Variants in ZNF772 observed in about 807,000 individuals in gnomAD.
ZNF772 encodes zinc finger protein 772.
A neutral mutation model predicts 11.0 loss-of-function variants in ZNF772; 8 were observed. The ratio of observed to expected loss-of-function variants is 0.73; its 90% confidence interval spans 0.43 to 1.31. The LOEUF is 1.31. Among genes scored for constraint, ZNF772 ranks in the 50% most tolerant of loss-of-function variants. The probability of loss-of-function intolerance (pLI) is 0.01; values close to 1 mark genes in which losing one functional copy is unlikely to be tolerated. For synonymous variants in ZNF772, 155 were observed against 180.4 expected (o/e 0.86, Z 1.13); for missense variants, 496 against 552.3 (o/e 0.90, Z 1.02).
rs567130132 is a variant in ZNF772, at chr19:57,476,043, T to C, written c.73-257A>G. ...CTTAGCATACAGGGCCTCACCCTTC[T>C]GTAAGCAAATTCCTCTGGGGTCACT... On this transcript the variant is annotated intron_variant, in intron 2 of 3. Transcript: ENST00000356584. Among the ~76,000 whole-genome samples, 8 of 152,328 alleles carry C rather than the reference T, an allele frequency of 5.3e-5. No homozygotes were observed. In the East Asian group the frequency reaches 1.5e-3, roughly 29 times the overall value.
Position 57,473,572 on chromosome 19 carries a change from T to C in ZNF772, c.1049A>G (p.Tyr350Cys). The C allele has an allele frequency of 6.2e-7, 1 of 1,613,020 alleles. No homozygotes were observed. The highest frequency in any genetic ancestry group is 8.5e-7 in the Non-Finnish European group (1 of 1,179,184). ...AACACTCCAATGTTTAATGAGTCTG[T>C]ATTTGTGACCAAAGTATTTTCCACA... is the stretch of plus-strand genomic sequence containing the variant. Reference protein sequence around the residue: ...SECGKYFGHKYRLIKHWSVHT... With the variant: ...SECGKYFGHKCRLIKHWSVHT... Residue 350 changes from tyrosine (Y) to cysteine (C), a missense_variant, in exon 4 of 4, where the codon TAC becomes TGC. Physicochemically the swap from Tyr to Cys is radical, Grantham distance 194. Coordinates refer to ENST00000356584, the MANE Select transcript of ZNF772 (RefSeq NM_001144068.2).
chr19:57,475,720 C>T lies in ZNF772; in HGVS notation c.139G>A (p.Ala47Thr). 6.2e-7 allele frequency: 1 copy of T among 1,613,850 alleles called. No individual in the cohort carries two copies. The highest frequency in any genetic ancestry group is 8.5e-7 in the Non-Finnish European group (1 of 1,179,838). ...ACATCACGGTACAGGAGCCTCTGAG[C>T]CTCATCAAGGAGCACCCACTCCTCC... ...SQEEWVLLDE[A>T]QRLLYRDVML... Residue 47 changes from alanine (A) to threonine (T), a missense_variant, in exon 3 of 4, where the codon GCT becomes ACT. Transcript: ENST00000356584. The surrounding 1 kb of genome is among the most constrained non-coding windows in gnomAD (Gnocchi z 4.2).
In ZNF772 at chr19:57,477,342, G is replaced by C. The variant is rs777694359; in HGVS notation, c.-33C>G. Reference sequence around the variant, plus strand: ...GTGGACTACGGAAGGGTGGCGACAAGTGCAGGAACCTGGGATCAGCTGTCC... The same window carrying C: ...GTGGACTACGGAAGGGTGGCGACAACTGCAGGAACCTGGGATCAGCTGTCC... On this transcript the variant is annotated 5_prime_UTR_variant, in exon 1 of 4. Transcript: ENST00000356584. The C allele has an allele frequency of 6.2e-7, 1 of 1,612,514 alleles. No homozygotes were observed. Among genetic ancestry groups the C allele is most frequent in the Non-Finnish European group, 8.5e-7 (1 of 1,179,458 alleles).
rs2089297907 is a variant in ZNF772, at chr19:57,477,416, C to T, written c.-107G>A. ...CACTCAGGCAGCGCCACTGTCAAGC[C>T]TCAGGCCCACCTCTCTTCAGGGAAG... On this transcript the variant is annotated 5_prime_UTR_variant, in exon 1 of 4. Coordinates refer to ENST00000356584, the MANE Select transcript of ZNF772 (RefSeq NM_001144068.2). The T allele has an allele frequency of 5.0e-6, 6 of 1,211,692 alleles. No individual in the cohort carries two copies. Among genetic ancestry groups the T allele is most frequent in the Non-Finnish European group, 7.2e-6 (6 of 836,634 alleles). 75.1% of individuals were successfully genotyped at this position (1,211,692 alleles called of 1,614,324 possible).
chr19:57,473,306 G>A lies in ZNF772; in HGVS notation c.1315C>T (p.His439Tyr). The change falls in exon 4 of 4, where the codon CAC (histidine) becomes TAC (tyrosine). Residue 439 changes from histidine (H) to tyrosine (Y), a missense_variant. Physicochemically the swap from His to Tyr is moderately conservative, Grantham distance 83. Transcript: ENST00000356584. ...CTTTCTCCAGTGTGAATTTTCCAGT[G>A]GCGGATGAGGGAAGCCCTCTGCCTG... ...AFRQRASLIR[H>Y]WKIHTGERP is the part of the protein sequence containing the mutation. 6.2e-7 allele frequency: 1 copy of A among 1,613,480 alleles called. No individual in the cohort carries two copies. Among genetic ancestry groups the A allele is most frequent in the East Asian group, 2.2e-5 (1 of 44,864 alleles).
intron 2 of ZNF772, among the ~76,000 whole-genome samples, chr19:57,476,097 T>C (rs1399905099): frequency 6.6e-6 from 1 of 152,172 alleles, no homozygotes; most frequent in African/African-American, 2.4e-5. Flanking sequence ...CAACCAAAGA[T>C]GGGCTTGCCT....
intron 1 of ZNF772, 81 bp from the exon 2 acceptor site, chr19:57,476,753 C>T (rs1421890538): frequency 1.5e-6 from 2 of 1,299,848 alleles, no homozygotes; most frequent in African/African-American, 3.0e-5. Context: ...TATTCCTACC[C>T]AGTTACAATG....
intron 3 of ZNF772, 81 bp from the exon 4 acceptor site, chr19:57,474,502 A>T (rs992625409): frequency 1.5e-5 from 21 of 1,403,754 alleles, no homozygotes; most frequent in Non-Finnish European, 2.0e-5. Flanking sequence ...TGTGTCTAAC[A>T]CAACTAAGAC....
Position 57,473,038 on chromosome 19 carries a change from G to A in ZNF772, c.*236C>T. On this transcript the variant is annotated 3_prime_UTR_variant, in exon 4 of 4. Coordinates refer to ENST00000356584, the MANE Select transcript of ZNF772 (RefSeq NM_001144068.2). Reference sequence around the variant, plus strand: ...CAAGGCAGGACTCTTCCAGCACAAAGACAGATGGCTTCTAACAGGCACTGC... The same window carrying A: ...CAAGGCAGGACTCTTCCAGCACAAAAACAGATGGCTTCTAACAGGCACTGC... The A allele has an allele frequency of 3.6e-6, 2 of 555,602 alleles. No homozygotes were observed. The highest frequency in any genetic ancestry group is 5.8e-5 in the East Asian group (2 of 34,496). The allele number at this position is 555,602 out of a possible 1,614,324, so 34.4% of individuals were successfully genotyped here.
Position 57,471,916 on chromosome 19 carries a change from T to C in ZNF772, c.*1358A>G. ...CAACGGATCAATAGTTGCCTGGGGA[T>C]GGGTGAAGGAAAGGGAGAAAATATA... is the stretch of plus-strand genomic sequence containing the variant. On this transcript the variant is annotated 3_prime_UTR_variant, in exon 4 of 4. Transcript: ENST00000356584. 1 of 278,348 alleles carries C rather than the reference T, an allele frequency of 3.6e-6. No homozygotes were observed. Among genetic ancestry groups the C allele is most frequent in the Non-Finnish European group, 7.1e-6 (1 of 141,596 alleles). The allele number at this position is 278,348 out of a possible 1,614,324, so 17.2% of individuals were successfully genotyped here.
chr19:57,472,142 A>T lies in ZNF772; in HGVS notation c.*1132T>A. 2.2e-6 allele frequency: 1 copy of T among 456,290 alleles called. No homozygotes were observed. Among genetic ancestry groups the T allele is most frequent in the South Asian group, 1.5e-5 (1 of 64,568 alleles). The allele number at this position is 456,290 out of a possible 1,614,324, so 28.3% of individuals were successfully genotyped here. ...GCCAGAGTAATGGAAACACATGTGGATGTACCTTTAGAAGGGTCATATTCC... is the reference window on the plus strand; with the variant it reads ...GCCAGAGTAATGGAAACACATGTGGTTGTACCTTTAGAAGGGTCATATTCC... On this transcript the variant is annotated 3_prime_UTR_variant, in exon 4 of 4. Transcript: ENST00000356584.
At position 57,475,638 on chromosome 19, in the gene ZNF772, G is replaced by A. The variant is rs1028424460; in HGVS notation, c.199+22C>T. 8 of 1,613,462 alleles carry A rather than the reference G, an allele frequency of 5.0e-6. No homozygotes were observed. In the Admixed American group the frequency reaches 1.0e-4, roughly 20 times the overall value. ...AGGGCAGGACCCAGTCCAAGTCACT[G>A]GGGTGGATGTGACGGCCTTACCCAG... On this transcript the variant is annotated intron_variant, in intron 3 of 3. Transcript: ENST00000356584. This position sits in a 1 kb window ranked among gnomAD's most constrained non-coding sequence, Gnocchi z 4.2.
In ZNF772 at chr19:57,475,365, CAG is replaced by C. The variant is rs138622505; in HGVS notation, c.199+293_199+294del. 0.015 allele frequency among the ~76,000 whole-genome samples: 2,271 copies of C among 152,272 alleles called. 56 individuals carry two copies. The highest frequency in any genetic ancestry group is 0.052 in the African/African-American group (2,143 of 41,536). On this transcript the variant is annotated intron_variant, in intron 3 of 3. Coordinates refer to ENST00000356584, the MANE Select transcript of ZNF772 (RefSeq NM_001144068.2). The surrounding 1 kb of genome is among the most constrained non-coding windows in gnomAD (Gnocchi z 4.2). ...GGCACAGAGGTGTCATGGATACAGA[CAG>C]AGGAATTCAGACAGGGAAAGGACAA...
rs1186819089 is a variant in ZNF772, at chr19:57,469,703, C to T, written c.*3571G>A. 1.3e-5 allele frequency: 2 copies of T among 152,172 alleles called. No individual in the cohort carries two copies. Among genetic ancestry groups the T allele is most frequent in the Admixed American group, 1.3e-4 (2 of 15,272 alleles). 9.4% of individuals were successfully genotyped at this position (152,172 alleles called of 1,614,324 possible). ...CCAATTTAATATTCAGAGATGTCAACAATCCTCTTAAAATAATTGCTGGAA... is the reference window on the plus strand; with the variant it reads ...CCAATTTAATATTCAGAGATGTCAATAATCCTCTTAAAATAATTGCTGGAA... On this transcript the variant is annotated 3_prime_UTR_variant, in exon 4 of 4. Transcript: ENST00000356584.
Position 57,475,916 on chromosome 19 carries a change from T to C in ZNF772, c.73-130A>G. 2 of 1,277,952 alleles carry C rather than the reference T, an allele frequency of 1.6e-6. No homozygotes were observed. Among genetic ancestry groups the C allele is most frequent in the East Asian group, 4.9e-5 (2 of 41,162 alleles). 79.2% of individuals were successfully genotyped at this position (1,277,952 alleles called of 1,614,324 possible). A position where few individuals can be genotyped will look rare whatever the true frequency, so the allele number is the denominator to read the frequency against. Reference sequence around the variant, plus strand: ...CAACTCAGGAAATATCAGGACCAGATGTCATTGGTGTCTTCTCTCGCCTCA... The same window carrying C: ...CAACTCAGGAAATATCAGGACCAGACGTCATTGGTGTCTTCTCTCGCCTCA... On this transcript the variant is annotated intron_variant, in intron 2 of 3. Coordinates refer to ENST00000356584, the MANE Select transcript of ZNF772 (RefSeq NM_001144068.2). The surrounding 1 kb of genome is among the most constrained non-coding windows in gnomAD (Gnocchi z 4.2).
chr19:57,477,258 T>G lies in ZNF772; in HGVS notation c.33+19A>C. On this transcript the variant is annotated intron_variant, in intron 1 of 3. Transcript: ENST00000356584. ...CAGAGATGGGGGTCAGCGCGCAGAC[T>G]CGCAGACGCAGCACCCACCTGTGCC... is the stretch of plus-strand genomic sequence containing the variant. The G allele has an allele frequency of 1.2e-6, 2 of 1,613,326 alleles. No individual in the cohort carries two copies. The highest frequency in any genetic ancestry group is 1.7e-6 in the Non-Finnish European group (2 of 1,179,742).
rs2089212704 is a variant in ZNF772 at position 57,471,404 on chromosome 19, T to C, written c.*1870A>G. 1 of 151,996 alleles carries C rather than the reference T, an allele frequency of 6.6e-6. No individual in the cohort carries two copies. The highest frequency in any genetic ancestry group is 1.5e-5 in the Non-Finnish European group (1 of 68,014). 9.4% of individuals were successfully genotyped at this position (151,996 alleles called of 1,614,324 possible). A position where few individuals can be genotyped will look rare whatever the true frequency, so the allele number is the denominator to read the frequency against. On this transcript the variant is annotated 3_prime_UTR_variant, in exon 4 of 4. Coordinates refer to ENST00000356584, the MANE Select transcript of ZNF772 (RefSeq NM_001144068.2). ...AAATGACTAATACATCATGACCAAA[T>C]GGGAATTATTACAGAAATGCAAGGT...
Position 57,475,396 on chromosome 19 carries a change from G to A in ZNF772, c.199+264C>T, listed in dbSNP as rs556957464. Among the ~76,000 whole-genome samples, 1 of 152,276 alleles carries A rather than the reference G, an allele frequency of 6.6e-6. No individual in the cohort carries two copies. Among genetic ancestry groups the A allele is most frequent in the African/African-American group, 2.4e-5 (1 of 41,544 alleles). Reference sequence around the variant, plus strand: ...AATTCAGACAGGGAAAGGACAAGATGGATATGACCCACTGGGCTGACAATA... The same window carrying A: ...AATTCAGACAGGGAAAGGACAAGATAGATATGACCCACTGGGCTGACAATA... On this transcript the variant is annotated intron_variant, in intron 3 of 3. Transcript: ENST00000356584. The surrounding 1 kb of genome is among the most constrained non-coding windows in gnomAD (Gnocchi z 4.2).
Position 57,473,569 on chromosome 19 carries a change from C to A in ZNF772, c.1052G>T (p.Arg351Ile), listed in dbSNP as rs1236615836. 4.3e-6 allele frequency: 7 copies of A among 1,612,656 alleles called. No individual in the cohort carries two copies. Among genetic ancestry groups the A allele is most frequent in the Non-Finnish European group, 5.9e-6 (7 of 1,179,088 alleles). The change falls in exon 4 of 4, where the codon AGA (arginine) becomes ATA (isoleucine). Residue 351 changes from arginine to isoleucine, a missense_variant. Arg to Ile is a moderately conservative substitution (Grantham distance 97). Coordinates refer to ENST00000356584, the MANE Select transcript of ZNF772 (RefSeq NM_001144068.2). ...ATGAACACTCCAATGTTTAATGAGT[C>A]TGTATTTGTGACCAAAGTATTTTCC... ...ECGKYFGHKYRLIKHWSVHTG... is the reference protein window; with the variant it reads ...ECGKYFGHKYILIKHWSVHTG...
Sources: allele counts gnomAD v4.1 joint callset (sites outside exome capture counted in the v4.1 genomes callset), GRCh38; gene constraint gnomAD v4.1.1; non-coding constraint Gnocchi (gnomAD v3.1); transcripts MANE v1.5; gene names NCBI Gene and HGNC (gene_info 2026-07-23, HGNC 2026-07-21).